Variants in GLYATL1B observed in about 807,000 individuals in gnomAD.
GLYATL1B encodes the protein glycine-N-acyltransferase like 1B.
In GLYATL1B, 6 loss-of-function variants were observed where a neutral mutation model predicts 5.5. The ratio of observed to expected loss-of-function variants is 1.09; its 90% CI spans 0.60 to 2.15. The LOEUF (loss-of-function observed/expected upper bound fraction) is 2.15. GLYATL1B is among the 30% of genes most tolerant of loss of function. GLYATL1B has a pLI of 0.00. For synonymous variants in GLYATL1B, 67 were observed against 34.9 expected, an observed-to-expected ratio of 1.92 and a Z score of -3.24; for missense variants, 135 against 94.1, an observed-to-expected ratio of 1.43 and a Z score of -1.80.
intron 2 of GLYATL1B, among the ~76,000 whole-genome samples, chr11:59,090,700 A>T (rs1196302765): frequency 6.6e-6 from 1 of 151,916 alleles, no homozygotes. Context: ...GAAGTCTCTT[A>T]TATTTTCTAA....
intron 2 of GLYATL1B, among the ~76,000 whole-genome samples, chr11:59,087,870 C>G (rs1426457350): frequency 6.6e-6 from 1 of 152,122 alleles, no homozygotes; most frequent in Non-Finnish European, 1.5e-5. Flanking sequence ...AGTTGCTTCT[C>G]AGGAACCAGG....
chr11:59,091,199 T>G (rs1227162627), intron 2 of GLYATL1B, among the ~76,000 whole-genome samples: 1 of 152,120 alleles, frequency 6.6e-6, no homozygotes, highest in Non-Finnish European at 1.5e-5. Context: ...GGTCAGTAAC[T>G]CTCTTTTTGT....
intron 2 of GLYATL1B, among the ~76,000 whole-genome samples, chr11:59,090,797 A>G (rs901883363): frequency 4.6e-5 from 7 of 152,070 alleles, no homozygotes; most frequent in Admixed American, 3.9e-4. Flanking sequence ...GCCTTATTGT[A>G]TAATGTACAA....
intron 2 of GLYATL1B, among the ~76,000 whole-genome samples, chr11:59,091,837 TA>T (rs36023172): frequency 6.6e-6 from 1 of 152,094 alleles, no homozygotes; most frequent in Non-Finnish European, 1.5e-5. Flanking sequence ...GTGCATTGGA[TA>T]AAAAAACTTG....
At chr11:59,093,006 C>T (rs999238842) in intron 2 of GLYATL1B, among the ~76,000 whole-genome samples, 3 of 152,172 alleles carry the variant, frequency 2.0e-5, no homozygotes, top group Non-Finnish European at 2.9e-5. Context: ...TTGTGCCGAG[C>T]TTAAGAACTT....
intron 3 of GLYATL1B, 69 bp from the exon 4 acceptor site, chr11:59,093,865 A>T (rs1273866590): frequency 3.6e-6 from 2 of 556,432 alleles, no homozygotes; most frequent in Non-Finnish European, 6.4e-6. Flanking sequence ...CTGAGGCATT[A>T]ATCAGGTGTG....
intron 2 of GLYATL1B, among the ~76,000 whole-genome samples, chr11:59,093,246 T>A (rs893170765): frequency 6.6e-6 from 1 of 152,324 alleles, no homozygotes. Context: ...TCTTAAGGCC[T>A]GGTGGAGGGT....
In GLYATL1B at chr11:59,087,137, A is replaced by G. The variant is rs371929838; in HGVS notation, c.152A>G (p.Glu51Gly). 5.6e-3 allele frequency: 3,647 copies of G among 645,920 alleles called. 24 individuals carry two copies. Among genetic ancestry groups the G allele is most frequent in the South Asian group, 0.023 (1,038 of 45,014 alleles). The allele number at this position is 645,920 out of a possible 1,614,324, so 40.0% of individuals were successfully genotyped here. A position where few individuals can be genotyped will look rare whatever the true frequency, so the allele number is the denominator to read the frequency against. ...GAAGTGTTGGTGGACTCCTGGCCCG[A>G]GTATCAGATGGTTATTATCCGACCT... ...NMEVLVDSWP[E>G]YQMVIIRPQK... Residue 51 changes from glutamate (E) to glycine (G), a missense_variant, in exon 2 of 5, where the codon GAG becomes GGG. Glu to Gly is a moderately conservative substitution (Grantham distance 98). Transcript: ENST00000527482.
rs946102910 is a variant in GLYATL1B, at chr11:59,087,168, A to G, written c.183A>G (p.Lys61=). The G allele has an allele frequency of 2.9e-5, 18 of 616,476 alleles. No homozygotes were observed. The highest frequency in any genetic ancestry group is 4.7e-5 in the Non-Finnish European group (16 of 343,354). The allele number at this position is 616,476 out of a possible 1,614,324, so 38.2% of individuals were successfully genotyped here. Residue 61 remains lysine, a synonymous_variant, in exon 2 of 5, where the codon AAA becomes AAG. Coordinates refer to ENST00000527482, the MANE Select transcript of GLYATL1B (RefSeq NM_001355566.1). ...EYQMVIIRPQ[K]QEMTDDMDSY... is the part of the protein sequence containing the mutation. ...AGATGGTTATTATCCGACCTCAAAAACAGGTAGGCACACAGACAGGGACTG... is the reference window on the plus strand; with the variant it reads ...AGATGGTTATTATCCGACCTCAAAAGCAGGTAGGCACACAGACAGGGACTG...
chr11:59,093,180 C>T (rs1859355227), intron 2 of GLYATL1B, among the ~76,000 whole-genome samples: 1 of 152,102 alleles, frequency 6.6e-6, no homozygotes, highest in Non-Finnish European at 1.5e-5. Flanking sequence ...CTCTGTGATG[C>T]TATATATAAA....
At chr11:59,087,429 T>A (rs1316999085) in intron 2 of GLYATL1B, among the ~76,000 whole-genome samples, 1 of 152,020 alleles carries the variant, frequency 6.6e-6, no homozygotes, top group Non-Finnish European at 1.5e-5. Flanking sequence ...TAAGGGCCCT[T>A]TGAGGTGGCA....
Position 59,086,918 on chromosome 11 carries a change from A to G in GLYATL1B, c.79-146A>G, listed in dbSNP as rs1590869541. 5 of 415,818 alleles carry G rather than the reference A, an allele frequency of 1.2e-5. No individual in the cohort carries two copies. The East Asian group carries it at 1.8e-4, about 15-fold the overall frequency. The allele number at this position is 415,818 out of a possible 1,614,324, so 25.8% of individuals were successfully genotyped here. ...TGCTGGTGACTTCATGTCCATCAGT[A>G]TGGTCCTGGAGATGCTGTTCATCTC... On this transcript the variant is annotated intron_variant, in intron 1 of 4. Coordinates refer to ENST00000527482, the MANE Select transcript of GLYATL1B (RefSeq NM_001355566.1).
chr11:59,088,313 C>A (rs546294322), intron 2 of GLYATL1B, among the ~76,000 whole-genome samples: 3 of 152,184 alleles, frequency 2.0e-5, no homozygotes, highest in Non-Finnish European at 4.4e-5. Context: ...AATAGTAATA[C>A]AAACCTAGGT....
At chr11:59,087,202 A>G (rs566208872) in intron 2 of GLYATL1B, 31 bp downstream of exon 2, 13 of 547,848 alleles carry the variant, frequency 2.4e-5, no homozygotes, top group Admixed American at 1.9e-4. Context: ...TGGTGGAGCC[A>G]GGCAGGTCCA....
intron 2 of GLYATL1B, among the ~76,000 whole-genome samples, chr11:59,092,128 T>C (rs1367060597): frequency 1.3e-5 from 2 of 152,138 alleles, no homozygotes; most frequent in Admixed American, 1.3e-4. Flanking sequence ...TTTTTCCTTT[T>C]CTGTTTCCAT....
At position 59,086,399 on chromosome 11, in the gene GLYATL1B, G is replaced by T; in HGVS notation, c.78+15G>T. On this transcript the variant is annotated intron_variant, in intron 1 of 4. Transcript: ENST00000527482. ...AGTCCCTGAAGGTGAAGGAACAGTG[G>T]GAGGTTGGGGTATGGGAGTAGGGGT... 2.5e-6 allele frequency: 1 copy of T among 398,692 alleles called. No homozygotes were observed. The highest frequency in any genetic ancestry group is 1.3e-4 in the South Asian group (1 of 7,830). The allele number at this position is 398,692 out of a possible 1,614,324, so 24.7% of individuals were successfully genotyped here. A position where few individuals can be genotyped will look rare whatever the true frequency, so the allele number is the denominator to read the frequency against.
chr11:59,089,881 TAATA>T (rs1298553310), intron 2 of GLYATL1B, among the ~76,000 whole-genome samples: 2 of 152,244 alleles, frequency 1.3e-5, no homozygotes, highest in East Asian at 3.9e-4. Context: ...GTTTTTTTGT[TAATA>T]ATTAGGAAGA....
At position 59,087,677 on chromosome 11, in the gene GLYATL1B, T is replaced by A. The variant is rs567538884; in HGVS notation, c.186+506T>A. ...CTGTGCAACATAATGAGACCTCATC[T>A]CTACAAAAAAATAAACAAAATTAGC... On this transcript the variant is annotated intron_variant, in intron 2 of 4. Transcript: ENST00000527482. 5.1e-4 allele frequency among the ~76,000 whole-genome samples: 78 copies of A among 152,152 alleles called. 1 individual carries two copies. The highest frequency in any genetic ancestry group is 1.0e-3 in the South Asian group (5 of 4,824).
chr11:59,089,919 A>T (rs1222850122), intron 2 of GLYATL1B, among the ~76,000 whole-genome samples: 1 of 152,016 alleles, frequency 6.6e-6, no homozygotes, highest in Admixed American at 6.6e-5. Context: ...AAGATCGTAC[A>T]AGTTGTTTTT....
Sources: allele counts gnomAD v4.1 joint callset (sites outside exome capture counted in the v4.1 genomes callset), GRCh38; gene constraint gnomAD v4.1.1; transcripts MANE v1.5; gene names NCBI Gene and HGNC (gene_info 2026-07-23, HGNC 2026-07-21).